Variants in UBE3D observed in about 807,000 individuals in gnomAD.
The protein encoded by UBE3D is ubiquitin protein ligase E3D, also known as E3 ubiquitin-protein ligase E3D.
UBE3D carries 48 observed loss-of-function variants against 49.6 expected under a neutral mutation model. The observed-to-expected ratio is 0.97, with a 90% confidence interval of 0.77 to 1.23. The LOEUF is 1.23. Among genes scored for constraint, UBE3D ranks in the 50% most tolerant of loss-of-function variants. UBE3D has a pLI of 0.00. For synonymous variants in UBE3D, 189 were observed against 174.2 expected (o/e 1.08, Z -0.67); for missense variants, 452 against 468.4 (o/e 0.96, Z 0.32).
intron 8 of UBE3D, among the ~76,000 whole-genome samples, chr6:82,988,834 C>A (rs1778696958): frequency 6.6e-6 from 1 of 151,126 alleles, no homozygotes; most frequent in East Asian, 1.9e-4. Flanking sequence ...CCAGCTGTTA[C>A]CAGGAGATTA....
chr6:83,017,247 T>C (rs978202165), intron 8 of UBE3D: 1 of 152,164 alleles, frequency 6.6e-6, no homozygotes, highest in Non-Finnish European at 1.5e-5. Flanking sequence ...TGAAAACTAG[T>C]ATCAAAACAG....
chr6:82,994,588 T>A (rs1420547382), intron 8 of UBE3D, among the ~76,000 whole-genome samples: 1 of 152,080 alleles, frequency 6.6e-6, no homozygotes, highest in Non-Finnish European at 1.5e-5. Flanking sequence ...TGACACAGGT[T>A]GAAGAGATGC....
At chr6:83,035,010 C>T in intron 5 of UBE3D, among the ~76,000 whole-genome samples, 1 of 151,586 alleles carries the variant, frequency 6.6e-6, no homozygotes, top group East Asian at 1.9e-4. Context: ...ATGGAGACCC[C>T]ACTTCTACAA....
chr6:82,888,859 C>T (rs1180828605), downstream of UBE3D, among the ~76,000 whole-genome samples: 1 of 152,200 alleles, frequency 6.6e-6, no homozygotes. Context: ...GGATTTACCT[C>T]TTATGACTGA....
chr6:83,041,207 A>G (rs1235582007), intron 4 of UBE3D, among the ~76,000 whole-genome samples: 1 of 152,150 alleles, frequency 6.6e-6, no homozygotes, highest in Admixed American at 6.5e-5. Flanking sequence ...AAGTGCTTTG[A>G]TATGTACTTC....
chr6:82,968,216 T>C (rs1777088176), intron 8 of UBE3D, among the ~76,000 whole-genome samples: 2 of 152,190 alleles, frequency 1.3e-5, no homozygotes, highest in South Asian at 4.1e-4. Flanking sequence ...TTTGTATTTT[T>C]AAAGCTTACC....
intron 8 of UBE3D, among the ~76,000 whole-genome samples, chr6:82,983,261 C>T (rs1049275421): frequency 1.3e-5 from 2 of 151,704 alleles, no homozygotes; most frequent in Non-Finnish European, 2.9e-5. Context: ...TCAAATTTAC[C>T]CATTTTTTGG....
chr6:82,892,688 A>G lies in UBE3D; in HGVS notation c.*334T>C, dbSNP rs1451536127. ...CCTCACTGGATTCCACACAGGACAG[A>G]TGGATCTCCATTAGGTAATAACCTT... On this transcript the variant is annotated 3_prime_UTR_variant, in exon 10 of 10. Transcript: ENST00000369747. 2 of 339,848 alleles carry G rather than the reference A, an allele frequency of 5.9e-6. No homozygotes were observed. The highest frequency in any genetic ancestry group is 1.1e-5 in the Non-Finnish European group (2 of 177,576). The allele number at this position is 339,848 out of a possible 1,614,324, so 21.1% of individuals were successfully genotyped here.
chr6:82,969,669 A>G (rs975055110), intron 8 of UBE3D, among the ~76,000 whole-genome samples: 14 of 152,108 alleles, frequency 9.2e-5, no homozygotes, highest in African/African-American at 3.4e-4. Context: ...CAGAAATTAG[A>G]CTACATAACC....
rs1347116189 is a variant in UBE3D, at chr6:83,022,246, C to T, written c.846+207G>A. ...TTCCCCATGTTGGCCAGGCTGGTCT[C>T]GAACTCCTGACCTCAAGTGATCCAC... On this transcript the variant is annotated intron_variant, in intron 7 of 9. Transcript: ENST00000369747. Among the ~76,000 whole-genome samples the T allele has an allele frequency of 7.2e-5, 11 of 152,098 alleles. No homozygotes were observed. The East Asian group carries it at 1.9e-3, about 27-fold the overall frequency.
chr6:83,018,944 T>A, intron 8 of UBE3D, 29 bp downstream of exon 8: 1 of 1,610,000 alleles, frequency 6.2e-7, no homozygotes, highest in Non-Finnish European at 8.5e-7. Flanking sequence ...AAACATAATG[T>A]GGAAAGAGAA....
At chr6:82,938,820 C>T (rs1240100648) in intron 9 of UBE3D, 1 of 152,100 alleles carries the variant, frequency 6.6e-6, no homozygotes, top group African/African-American at 2.4e-5. Flanking sequence ...CTGGCTAGGA[C>T]TCCGATTTCT....
At chr6:83,004,338 A>C (rs1305351919) in intron 8 of UBE3D, among the ~76,000 whole-genome samples, 1 of 152,202 alleles carries the variant, frequency 6.6e-6, no homozygotes, top group African/African-American at 2.4e-5. Context: ...TACACGATAC[A>C]ATGAAAAGCA....
At chr6:82,887,067 G>T in the UBE3D span, among the ~76,000 whole-genome samples, 2 of 152,016 alleles carry the variant, frequency 1.3e-5, no homozygotes, top group Non-Finnish European at 2.9e-5. Context: ...ACTTTGGGAG[G>T]CTAAGGCGGG....
chr6:82,907,042 TA>T (rs1772152151), intron 9 of UBE3D, among the ~76,000 whole-genome samples: 1 of 152,164 alleles, frequency 6.6e-6, no homozygotes, highest in Non-Finnish European at 1.5e-5. Flanking sequence ...CTTTTTAAAC[TA>T]GGTAAAGACA....
At chr6:83,046,366 C>G (rs1449024609) in intron 3 of UBE3D, among the ~76,000 whole-genome samples, 2 of 151,926 alleles carry the variant, frequency 1.3e-5, no homozygotes, top group Non-Finnish European at 2.9e-5. Flanking sequence ...AAGCTAGAAA[C>G]AAGAAAGGCT....
chr6:83,008,939 T>G (rs1412165084), intron 8 of UBE3D, among the ~76,000 whole-genome samples: 2 of 152,164 alleles, frequency 1.3e-5, no homozygotes, highest in African/African-American at 4.8e-5. Flanking sequence ...GTAACCAAAC[T>G]AATTTATTAG....
At position 83,057,855 on chromosome 6, in the gene UBE3D, C is replaced by A; in HGVS notation, c.245G>T (p.Arg82Leu). 1 of 1,614,092 alleles carries A rather than the reference C, an allele frequency of 6.2e-7. No homozygotes were observed. Among genetic ancestry groups the A allele is most frequent in the South Asian group, 1.1e-5 (1 of 91,064 alleles). ...QFVVGDGLHL[R>L]LQTQAKLGTK... ...GCCTAATTTTGCTTGCGTCTGCAGTCGCAGGTGCAGTCCATCTCCAACAAC... is the reference window on the plus strand; with the variant it reads ...GCCTAATTTTGCTTGCGTCTGCAGTAGCAGGTGCAGTCCATCTCCAACAAC... Residue 82 changes from arginine to leucine, a missense_variant, in exon 2 of 10, where the codon CGA becomes CTA. Physicochemically the swap from Arg to Leu is moderately radical, Grantham distance 102. Coordinates refer to ENST00000369747, the MANE Select transcript of UBE3D (RefSeq NM_198920.3).
intron 9 of UBE3D, among the ~76,000 whole-genome samples, chr6:82,911,223 A>AAAAAAAC (rs1772496649): frequency 5.4e-5 from 8 of 149,358 alleles, no homozygotes; most frequent in Admixed American, 2.7e-4. Context: ...AAAAAAAAAA[A>AAAAAAAC]CTCAGGGGGG....
Sources: allele counts gnomAD v4.1 joint callset (sites outside exome capture counted in the v4.1 genomes callset), GRCh38; gene constraint gnomAD v4.1.1; transcripts MANE v1.5; gene names NCBI Gene and HGNC (gene_info 2026-07-23, HGNC 2026-07-21).